The following WWP1 variants were observed in gnomAD, a reference collection of about 807,000 sequenced individuals.
WWP1 encodes the protein WW domain containing E3 ubiquitin protein ligase 1.
In WWP1, 49 loss-of-function variants were observed where a neutral mutation model predicts 130.6. That is an observed-to-expected ratio of 0.38 (90% CI 0.30 to 0.48). WWP1 has a LOEUF of 0.48. Among genes scored for constraint, WWP1 ranks in the 20% least tolerant of loss-of-function variants. The probability of loss-of-function intolerance (pLI) is 0.99; values close to 1 mark genes in which losing one functional copy is unlikely to be tolerated. For missense variants in WWP1, 809 were observed against 1,100.6 expected, an observed-to-expected ratio of 0.74 and a Z score of 3.75; for synonymous variants, 332 against 367.8, an observed-to-expected ratio of 0.90 and a Z score of 1.11.
At chr8:86,379,021 A>G (rs1824829127) in intron 3 of WWP1, among the ~76,000 whole-genome samples, 1 of 152,222 alleles carries the variant, frequency 6.6e-6, no homozygotes. Flanking sequence ...GCACATTTGA[A>G]AAATGAACCC....
chr8:86,440,554 C>T, intron 17 of WWP1: 2 of 358,738 alleles, frequency 5.6e-6, no homozygotes, highest in Admixed American at 3.7e-5. Flanking sequence ...TATTTTTCCT[C>T]TGGGTGCCCA....
At chr8:86,378,285 T>C (rs1380953714) in intron 3 of WWP1, among the ~76,000 whole-genome samples, 3 of 152,180 alleles carry the variant, frequency 2.0e-5, no homozygotes, top group Non-Finnish European at 4.4e-5. Context: ...CTAATTGAAA[T>C]ATTTCAATGT....
intron 1 of WWP1, among the ~76,000 whole-genome samples, chr8:86,360,481 GGT>G (rs1444672863): frequency 2.6e-5 from 4 of 152,170 alleles, no homozygotes; most frequent in African/African-American, 9.7e-5. Flanking sequence ...TTAGTCCTGG[GGT>G]TACCTAGGTT....
chr8:86,454,771 T>G (rs1272667690), intron 21 of WWP1, among the ~76,000 whole-genome samples: 1 of 152,016 alleles, frequency 6.6e-6, no homozygotes, highest in African/African-American at 2.4e-5. Context: ...TTGGCAGGGT[T>G]TATAATGTTC....
In WWP1 at chr8:86,411,711, A is replaced by G; in HGVS notation, c.898A>G (p.Ser300Gly). 6.2e-7 allele frequency: 1 copy of G among 1,614,204 alleles called. No individual in the cohort carries two copies. Reference sequence around the variant, plus strand: ...AAACAATGAATGTATTCCTTCTACCAGTGCAGAATTGGAATCTGAAGCTAG... The same window carrying G: ...AAACAATGAATGTATTCCTTCTACCGGTGCAGAATTGGAATCTGAAGCTAG... ...SENNECIPST[S>G]AELESEARSI... Residue 300 changes from serine (S) to glycine (G), a missense_variant, in exon 9 of 25, where the codon AGT becomes GGT. Ser to Gly is a moderately conservative substitution (Grantham distance 56). Transcript: ENST00000517970.
chr8:86,405,899 G>C (rs1448528655), intron 8 of WWP1, among the ~76,000 whole-genome samples: 1 of 152,188 alleles, frequency 6.6e-6, no homozygotes, highest in Non-Finnish European at 1.5e-5. Context: ...TGAGGTTTCA[G>C]ATTAGGAATT....
chr8:86,381,464 C>T (rs761926760), intron 4 of WWP1, 41 bp from the exon 5 acceptor site: 30 of 1,569,078 alleles, frequency 1.9e-5, no homozygotes, highest in Admixed American at 1.1e-4. Context: ...AGAATGACAA[C>T]GTCTACTCCT....
chr8:86,420,313 T>G (rs1809130814), intron 9 of WWP1, among the ~76,000 whole-genome samples: 1 of 152,186 alleles, frequency 6.6e-6, no homozygotes, highest in Non-Finnish European at 1.5e-5. Context: ...GAAAAGTATT[T>G]GGGGTTTAAC....
intron 3 of WWP1, among the ~76,000 whole-genome samples, chr8:86,375,532 C>T (rs1824589241): frequency 6.6e-6 from 1 of 151,980 alleles, no homozygotes; most frequent in Non-Finnish European, 1.5e-5. Flanking sequence ...CTCTTAATCT[C>T]CTAATTCTTG....
chr8:86,352,039 CTTTTT>C (rs770047019), intron 1 of WWP1, among the ~76,000 whole-genome samples: 2 of 125,196 alleles, frequency 1.6e-5, no homozygotes, highest in Non-Finnish European at 1.6e-5. Context: ...TAAAATATTC[CTTTTT>C]TTTTTTTTTT....
At chr8:86,389,276 G>C (rs1266472351) in intron 5 of WWP1, among the ~76,000 whole-genome samples, 5 of 152,080 alleles carry the variant, frequency 3.3e-5, no homozygotes, top group African/African-American at 7.2e-5. Context: ...ACAAGGGTCT[G>C]TGGTTTTCCT....
At chr8:86,440,413 T>C (rs2130716304) in intron 17 of WWP1, among the ~76,000 whole-genome samples, 1 of 152,348 alleles carries the variant, frequency 6.6e-6, no homozygotes, top group South Asian at 2.1e-4. Flanking sequence ...TGCTTTTACA[T>C]ATAAACAACA....
chr8:86,361,710 C>T (rs1386387125), intron 1 of WWP1, among the ~76,000 whole-genome samples: 1 of 152,030 alleles, frequency 6.6e-6, no homozygotes, highest in African/African-American at 2.4e-5. Flanking sequence ...TTGGAGTCCT[C>T]CACAACTCAT....
intron 1 of WWP1, among the ~76,000 whole-genome samples, chr8:86,349,634 C>T (rs1362854145): frequency 6.6e-6 from 1 of 152,092 alleles, no homozygotes; most frequent in Non-Finnish European, 1.5e-5. Flanking sequence ...CAAATGACAG[C>T]ACATCTGGCT....
intron 9 of WWP1, among the ~76,000 whole-genome samples, chr8:86,414,157 C>T (rs891866870): frequency 2.0e-5 from 3 of 151,712 alleles, no homozygotes; most frequent in Admixed American, 1.3e-4. Context: ...GAAATATAGG[C>T]GAGAATAGGA....
chr8:86,373,282 T>C (rs4587306), intron 2 of WWP1, among the ~76,000 whole-genome samples: 111,338 of 151,966 alleles, frequency 0.73, 41,687 homozygotes, highest in African/African-American at 0.83. Context: ...TCACTCATGT[T>C]TCATGAATAC....
At position 86,459,006 on chromosome 8, in the gene WWP1, TTTTC is replaced by T. The variant is rs1475091443; in HGVS notation, c.2499+985_2499+988del. ...TAAGTCTATACCTTGGAGTCATTCT[TTTTC>T]TTTTTCTTTTTTCTTTTTTTTTTTT... On this transcript the variant is annotated intron_variant, in intron 22 of 24. Coordinates refer to ENST00000517970, the MANE Select transcript of WWP1 (RefSeq NM_007013.4). 1.2e-4 allele frequency among the ~76,000 whole-genome samples: 17 copies of T among 146,768 alleles called. No individual in the cohort carries two copies. In the East Asian group the frequency reaches 1.2e-3, roughly 10 times the overall value.
intron 5 of WWP1, among the ~76,000 whole-genome samples, chr8:86,391,346 GTGT>G (rs1807325954): frequency 6.6e-6 from 1 of 152,168 alleles, no homozygotes. Flanking sequence ...CTTCAGTTCT[GTGT>G]TCAGGTCAGT....
Position 86,452,677 on chromosome 8 carries a change from GA to G in WWP1, c.2393del (p.Glu798GlyfsTer38). 6.2e-7 allele frequency: 1 copy of G among 1,612,356 alleles called. No individual in the cohort carries two copies. On this transcript the variant is annotated frameshift_variant and splice_region_variant, in exon 21 of 25. Coordinates refer to ENST00000517970, the MANE Select transcript of WWP1 (RefSeq NM_007013.4). LOFTEE classifies it high-confidence loss of function. Reference sequence around the variant, plus strand: ...ACAGTACTTCGATGAAAAAGAATTAGAGGTTAGGCCCTTTTATTATGCTATT... The same window carrying G: ...ACAGTACTTCGATGAAAAAGAATTAGGGTTAGGCCCTTTTATTATGCTATT... ...WLQYFDEKEL[E>X]VMLCGMQEVD...
Sources: gnomAD v4.1 joint callset for allele counts (sites outside exome capture counted in the v4.1 genomes callset) on GRCh38, gnomAD v4.1.1 for gene constraint, MANE v1.5 for transcripts, NCBI Gene and HGNC (gene_info 2026-07-23, HGNC 2026-07-21) for gene names.